The following PCDHA5 variants were observed in gnomAD, a reference collection of about 807,000 sequenced individuals.
PCDHA5 encodes protocadherin alpha-5.
PCDHA5 carries 43 observed loss-of-function variants against 61.6 expected under a neutral mutation model. That is an observed-to-expected ratio of 0.70 (90% confidence interval 0.55 to 0.90). The LOEUF is 0.90. Ranked by LOEUF, PCDHA5 falls within the 40% of genes least tolerant of loss-of-function variation. The probability of loss-of-function intolerance (pLI) is 0.00; values close to 1 mark genes in which losing one functional copy is unlikely to be tolerated. For synonymous variants in PCDHA5, 627 were observed against 543.9 expected (o/e 1.15, Z -2.13); for missense variants, 1,298 against 1,222.7 (o/e 1.06, Z -0.92).
At chr5:140,966,268 A>C (rs542154117) in intron 1 of PCDHA5, 5 of 351,754 alleles carry the variant, frequency 1.4e-5, no homozygotes, top group African/African-American at 1.0e-4. Context: ...AGACTGGATG[A>C]ACTGGACAGT....
At chr5:140,968,474 G>A (rs1394773296) in intron 1 of PCDHA5, 2 of 1,614,110 alleles carry the variant, frequency 1.2e-6, no homozygotes, top group Non-Finnish European at 1.7e-6. Flanking sequence ...CGTATATGTG[G>A]TGGACATGAA....
intron 1 of PCDHA5, chr5:140,857,699 C>G: frequency 6.3e-7 from 1 of 1,597,158 alleles, no homozygotes; most frequent in South Asian, 1.1e-5. Context: ...CTTGACGCTG[C>G]AGGTGTTCGT....
chr5:140,940,509 C>T lies in PCDHA5; in HGVS notation c.2353-38440C>T, dbSNP rs556405860. ...GACAAGTCTTGCTCCGTCGCTCAGG[C>T]GTGATCATAGCTCACTGCAATCTTG... On this transcript the variant is annotated intron_variant, in intron 1 of 3. Coordinates refer to ENST00000529859, the MANE Select transcript of PCDHA5 (RefSeq NM_018908.3). 2.0e-5 allele frequency among the ~76,000 whole-genome samples: 3 copies of T among 152,086 alleles called. No individual in the cohort carries two copies. In the South Asian group the frequency reaches 6.2e-4, roughly 32 times the overall value.
chr5:140,966,645 C>T (rs369620766), intron 1 of PCDHA5: 7 of 1,125,658 alleles, frequency 6.2e-6, no homozygotes, highest in Non-Finnish European at 8.2e-6. Flanking sequence ...CTTTCTAGAG[C>T]GTGAGCGGTG....
In PCDHA5 at chr5:140,946,631, T is replaced by TATAC. The variant is rs57893927; in HGVS notation, c.2353-32317_2353-32316insTACA. ...TGTGAAATATATATATATATATATA[T>TATAC]ACAATGGAATACTCATCAGCCATTA... On this transcript the variant is annotated intron_variant, in intron 1 of 3. Transcript: ENST00000529859. 2.4e-4 allele frequency among the ~76,000 whole-genome samples: 32 copies of TATAC among 131,838 alleles called. 1 individual carries two copies. The highest frequency in any genetic ancestry group is 4.2e-4 in the African/African-American group (12 of 28,706). 86.5% of individuals were successfully genotyped at this position (131,838 alleles called of 152,430 possible).
intron 3 of PCDHA5, among the ~76,000 whole-genome samples, chr5:141,006,275 G>C (rs782763386): frequency 6.6e-6 from 1 of 151,772 alleles, no homozygotes; most frequent in Non-Finnish European, 1.5e-5. Flanking sequence ...GCAGTGGCAC[G>C]ATCTCAGCTC....
chr5:140,975,763 C>A (rs2096681691), intron 1 of PCDHA5, among the ~76,000 whole-genome samples: 1 of 152,140 alleles, frequency 6.6e-6, no homozygotes, highest in Non-Finnish European at 1.5e-5. Context: ...TGTCATAAAT[C>A]ACAGATAATA....
intron 1 of PCDHA5, chr5:140,841,763 C>G: frequency 6.2e-7 from 1 of 1,613,884 alleles, no homozygotes; most frequent in South Asian, 1.1e-5. Context: ...ATCCAGAATG[C>G]CAGACTCTCG....
In PCDHA5 at chr5:140,829,518, C is replaced by A. The variant is rs2150169254; in HGVS notation, c.2352+5391C>A. On this transcript the variant is annotated intron_variant, in intron 1 of 3. Coordinates refer to ENST00000529859, the MANE Select transcript of PCDHA5 (RefSeq NM_018908.3). ...AACCCGCCGGGCTGCCACATCTTCA[C>A]GGTGTCTGCGCGAGACGCGGACGCG... 5.0e-6 allele frequency: 8 copies of A among 1,613,400 alleles called. No individual in the cohort carries two copies. The Admixed American group carries it at 1.0e-4, about 20-fold the overall frequency.
chr5:140,863,411 T>G, intron 1 of PCDHA5: 4 of 754,032 alleles, frequency 5.3e-6, no homozygotes, highest in African/African-American at 1.8e-5. Context: ...CCCACGCTGG[T>G]GTACCGCAGC....
chr5:140,870,780 C>T (rs782242319), intron 1 of PCDHA5: 3 of 1,613,508 alleles, frequency 1.9e-6, no homozygotes, highest in Non-Finnish European at 2.5e-6. Context: ...ACGAGAACGA[C>T]AACGCGCCGG....
At chr5:140,925,124 A>AGGAAGGAAGGAAGG (rs1554202565) in intron 1 of PCDHA5, among the ~76,000 whole-genome samples, 2 of 151,856 alleles carry the variant, frequency 1.3e-5, no homozygotes, top group African/African-American at 2.4e-5. Context: ...GAAGGAAGGA[A>AGGAAGGAAGGAAGG]AAAAAATTTC....
intron 3 of PCDHA5, among the ~76,000 whole-genome samples, chr5:141,000,395 CTATATA>C (rs1190667031): frequency 5.7e-4 from 31 of 53,962 alleles, no homozygotes; most frequent in Admixed American, 2.5e-3. Flanking sequence ...CTCTCTCTCT[CTATATA>C]TATATATATA....
chr5:140,994,102 A>G (rs2097596379), intron 3 of PCDHA5, among the ~76,000 whole-genome samples: 1 of 152,194 alleles, frequency 6.6e-6, no homozygotes, highest in African/African-American at 2.4e-5. Context: ...TGATGGAAAT[A>G]TTACATTGTC....
chr5:140,905,304 C>T (rs1373391378), intron 1 of PCDHA5, among the ~76,000 whole-genome samples: 1 of 152,150 alleles, frequency 6.6e-6, no homozygotes, highest in Non-Finnish European at 1.5e-5. Flanking sequence ...GTCCTTTCCA[C>T]ACTTTGTGTT....
chr5:140,828,973 C>T (rs2150161482), intron 1 of PCDHA5: 4 of 1,614,140 alleles, frequency 2.5e-6, no homozygotes, highest in East Asian at 4.5e-5. Flanking sequence ...ACCACTTTAG[C>T]ATAGATCGAA....
chr5:140,974,613 G>A (rs1416866366), intron 1 of PCDHA5, among the ~76,000 whole-genome samples: 2 of 152,164 alleles, frequency 1.3e-5, no homozygotes, highest in African/African-American at 4.8e-5. Flanking sequence ...CAGGGTTCAA[G>A]CGATTCTCCT....
chr5:140,822,547 A>G lies in PCDHA5; in HGVS notation c.772A>G (p.Thr258Ala), dbSNP rs2150117174. 1.1e-3 allele frequency: 1,829 copies of G among 1,613,676 alleles called. 13 individuals carry two copies. In the African/African-American group the frequency reaches 0.022, roughly 19 times the overall value. The change falls in exon 1 of 4, where the codon ACA becomes GCA. Residue 258 changes from threonine (T) to alanine (A), a missense_variant. Physicochemically the swap from Thr to Ala is moderately conservative, Grantham distance 58 (BLOSUM62 0). Coordinates refer to ENST00000529859, the MANE Select transcript of PCDHA5 (RefSeq NM_018908.3). ...ATTGTTGGAAAATGCACCAAGTGGGACATTAGTTATTAAACTGAACGCCTC... is the reference window on the plus strand; with the variant it reads ...ATTGTTGGAAAATGCACCAAGTGGGGCATTAGTTATTAAACTGAACGCCTC... ...VRLLENAPSG[T>A]LVIKLNASDA...
At chr5:140,887,029 T>C (rs1308343052) in intron 1 of PCDHA5, among the ~76,000 whole-genome samples, 1 of 152,140 alleles carries the variant, frequency 6.6e-6, no homozygotes, top group Non-Finnish European at 1.5e-5. Flanking sequence ...AAAAATTTCT[T>C]TAATATTTTT....
Sources: allele counts gnomAD v4.1 joint callset (sites outside exome capture counted in the v4.1 genomes callset), GRCh38; gene constraint gnomAD v4.1.1; transcripts MANE v1.5; gene names NCBI Gene and HGNC (gene_info 2026-07-23, HGNC 2026-07-21).